PBRM1: variants seen among roughly 807,000 people sequenced by gnomAD.
PBRM1 encodes the protein polybromo 1, also known as protein polybromo-1.
PBRM1 carries 27 observed loss-of-function variants against 194.5 expected under a neutral mutation model. That is an observed-to-expected ratio of 0.14 (90% CI 0.10 to 0.19). The LOEUF is 0.19. Ranked by LOEUF, PBRM1 falls within the 10% of genes least tolerant of loss-of-function variation. The probability of loss-of-function intolerance (pLI) is 1.00; values close to 1 mark genes in which losing one functional copy is unlikely to be tolerated. For synonymous variants in PBRM1, 655 were observed against 693.2 expected (o/e 0.94, Z 0.87); for missense variants, 1,466 against 2,077.2 (o/e 0.71, Z 5.72).
At chr3:52,548,352 T>TCA in intron 29 of PBRM1, 117 bp from the exon 32 acceptor site, 2 of 610,386 alleles carry the variant, frequency 3.3e-6, no homozygotes, top group Non-Finnish European at 5.3e-6. Context: ...TATTAAATAT[T>TCA]ATGAATTTTA....
intron 13 of PBRM1, among the ~76,000 whole-genome samples, chr3:52,618,589 T>C (rs573954877): frequency 3.4e-5 from 5 of 146,956 alleles, no homozygotes; most frequent in Admixed American, 7.4e-5. Flanking sequence ...ACTTATGACT[T>C]AGTTTTTTTT....
At chr3:52,603,426 AT>A (rs1329565255) in intron 17 of PBRM1, 94 bp downstream of exon 19, 3 of 1,310,300 alleles carry the variant, frequency 2.3e-6, no homozygotes, top group African/African-American at 3.0e-5. Flanking sequence ...CTGAGTTTTC[AT>A]TCATACAAAC....
intron 17 of PBRM1, among the ~76,000 whole-genome samples, chr3:52,598,859 T>C (rs1266580605): frequency 6.6e-6 from 1 of 151,900 alleles, no homozygotes; most frequent in African/African-American, 2.4e-5. Context: ...CCGTCTCTAC[T>C]AAAAATACAA....
chr3:52,647,392 T>C (rs749769658), intron 7 of PBRM1, among the ~76,000 whole-genome samples: 2 of 116,404 alleles, frequency 1.7e-5, no homozygotes, highest in Non-Finnish European at 3.2e-5. Flanking sequence ...TTACCACACA[T>C]GGCCCCGCAA....
intron 3 of PBRM1, among the ~76,000 whole-genome samples, chr3:52,664,230 C>T (rs2096782796): frequency 6.6e-6 from 1 of 151,546 alleles, no homozygotes; most frequent in Admixed American, 6.6e-5. Context: ...AAGACTTTCT[C>T]TCTTTAAAAA....
chr3:52,637,726 G>C (rs989729968), intron 10 of PBRM1, among the ~76,000 whole-genome samples: 1 of 137,866 alleles, frequency 7.3e-6, no homozygotes. Context: ...CCAGGAGTTC[G>C]AGATCAGCCT....
intron 3 of PBRM1, among the ~76,000 whole-genome samples, chr3:52,663,624 A>C (rs761332852): frequency 6.6e-6 from 1 of 152,260 alleles, no homozygotes; most frequent in South Asian, 2.1e-4. Flanking sequence ...CATGAGGCAC[A>C]TAAGAATCAA....
At chr3:52,675,207 A>G (rs2097070355) in intron 2 of PBRM1, among the ~76,000 whole-genome samples, 1 of 152,242 alleles carries the variant, frequency 6.6e-6, no homozygotes, top group Non-Finnish European at 1.5e-5. Context: ...ACTAGTAAGG[A>G]GACTGAATCA....
Position 52,607,266 on chromosome 3 carries a change from G to A in PBRM1, c.2567+2047C>T, listed in dbSNP as rs148089013. On this transcript the variant is annotated intron_variant, in intron 16 of 29. Transcript: ENST00000296302. Reference sequence around the variant, plus strand: ...TTCACAAAGTTAAGAATGGCTCCCCGTATGTTTTTCTTTAAAAAATTTTTC... The same window carrying A: ...TTCACAAAGTTAAGAATGGCTCCCCATATGTTTTTCTTTAAAAAATTTTTC... 4.1e-3 allele frequency among the ~76,000 whole-genome samples: 624 copies of A among 152,132 alleles called. 3 individuals carry two copies. The highest frequency in any genetic ancestry group is 0.023 in the South Asian group (110 of 4,814).
Position 52,617,653 on chromosome 3 carries a change from T to C in PBRM1, c.1542-115A>G, listed in dbSNP as rs1001197783. The C allele has an allele frequency of 9.4e-6, 7 of 742,918 alleles. No individual in the cohort carries two copies. In the East Asian group the frequency reaches 1.6e-4, roughly 17 times the overall value. 46.0% of individuals were successfully genotyped at this position (742,918 alleles called of 1,614,324 possible). A position where few individuals can be genotyped will look rare whatever the true frequency, so the allele number is the denominator to read the frequency against. On this transcript the variant is annotated intron_variant, in intron 13 of 29. Transcript: ENST00000296302. ...ATGGTGCTTTATAATGATTACAATT[T>C]ATTGATTACATATGCCACAAACACA...
chr3:52,668,865 C>A (rs906264527), intron 2 of PBRM1, among the ~76,000 whole-genome samples: 1 of 150,690 alleles, frequency 6.6e-6, no homozygotes, highest in Non-Finnish European at 1.5e-5. Context: ...TCAAAACATA[C>A]GTTAATGATA....
chr3:52,573,408 C>T (rs573925407), intron 22 of PBRM1, among the ~76,000 whole-genome samples: 2 of 152,284 alleles, frequency 1.3e-5, no homozygotes, highest in South Asian at 2.1e-4. Context: ...ATTCTCTTGC[C>T]TCAGCCTCTC....
At chr3:52,618,217 G>A (rs1326600096) in intron 13 of PBRM1, among the ~76,000 whole-genome samples, 1 of 152,184 alleles carries the variant, frequency 6.6e-6, no homozygotes, top group African/African-American at 2.4e-5. Context: ...CCATCCTTGA[G>A]CATGAATCCG....
Position 52,560,419 on chromosome 3 carries a change from TA to T in PBRM1, c.4288+1347del, listed in dbSNP as rs567705215. 1.6e-4 allele frequency among the ~76,000 whole-genome samples: 24 copies of T among 152,346 alleles called. No homozygotes were observed. The East Asian group carries it at 4.6e-3, about 29-fold the overall frequency. On this transcript the variant is annotated intron_variant, in intron 25 of 29. Transcript: ENST00000296302. ...AGTTCTAGGTTCTTATGGAACTGAC[TA>T]GGGTTTTCCAAAGAATATTCTGCAA...
chr3:52,612,479 A>T (rs1398966959), intron 15 of PBRM1, among the ~76,000 whole-genome samples: 2 of 152,132 alleles, frequency 1.3e-5, no homozygotes, highest in Non-Finnish European at 2.9e-5. Context: ...AAAGTTACAG[A>T]TATCACAAGG....
At chr3:52,629,106 A>T in intron 11 of PBRM1, 71 bp from the exon 13 acceptor site, 1 of 1,246,436 alleles carries the variant, frequency 8.0e-7, no homozygotes, top group Non-Finnish European at 1.1e-6. Context: ...TGAAAGTCCA[A>T]TGCAAAATCT....
chr3:52,550,593 A>G, exon 29 of PBRM1: 2 of 1,539,432 alleles, frequency 1.3e-6, no homozygotes, highest in Non-Finnish European at 1.8e-6. Flanking sequence ...GTGGGCCGGG[A>G]TATGGAGGTG....
chr3:52,570,288 AT>A (rs1321135819), intron 22 of PBRM1, among the ~76,000 whole-genome samples: 2 of 151,926 alleles, frequency 1.3e-5, no homozygotes, highest in African/African-American at 4.8e-5. Flanking sequence ...GAACATCCCT[AT>A]TTTGCTCTTG....
At chr3:52,662,013 G>C in intron 4 of PBRM1, 120 bp downstream of exon 5, 2 of 975,198 alleles carry the variant, frequency 2.1e-6, no homozygotes, top group Non-Finnish European at 3.0e-6. Flanking sequence ...TATCCTCCCA[G>C]TTACCAATAC....
Sources: allele counts gnomAD v4.1 joint callset (sites outside exome capture counted in the v4.1 genomes callset), GRCh38; gene constraint gnomAD v4.1.1; transcripts MANE v1.5; gene names NCBI Gene and HGNC (gene_info 2026-07-23, HGNC 2026-07-21).